The following AHRR variants were observed in gnomAD, a reference collection of about 807,000 sequenced individuals.
AHRR encodes the protein ahR repressor.
AHRR carries 28 observed loss-of-function variants against 44.0 expected under a neutral mutation model. The ratio of observed to expected loss-of-function variants is 0.64; its 90% CI spans 0.47 to 0.87. AHRR has a LOEUF of 0.87. Among genes scored for constraint, AHRR ranks in the 40% least tolerant of loss-of-function variants. The pLI, the probability that AHRR is intolerant of heterozygous loss-of-function variation, is 0.00. For synonymous variants in AHRR, 434 were observed against 407.0 expected (o/e 1.07, Z -0.80); for missense variants, 990 against 953.9 (o/e 1.04, Z -0.50).
At chr5:389,955 G>A (rs1353338740) in intron 4 of AHRR, among the ~76,000 whole-genome samples, 2 of 130,206 alleles carry the variant, frequency 1.5e-5, no homozygotes, top group South Asian at 3.1e-4. Flanking sequence ...GGGAGGGGGA[G>A]GGGAGACAGG....
Position 328,255 on chromosome 5 carries a change from A to ATTTTTTTTTTTT in AHRR, c.-11+6455_-11+6466dup, listed in dbSNP as rs70955232. 1.5e-4 allele frequency among the ~76,000 whole-genome samples: 8 copies of ATTTTTTTTTTTT among 54,254 alleles called. 1 individual carries two copies. Among genetic ancestry groups the ATTTTTTTTTTTT allele is most frequent in the African/African-American group, 4.2e-4 (7 of 16,798 alleles). The allele number at this position is 54,254 out of a possible 152,430, so 35.6% of individuals were successfully genotyped here. A position where few individuals can be genotyped will look rare whatever the true frequency, so the allele number is the denominator to read the frequency against. ...TTCTCTGCATCCTCACCAACATCTGATTTTTTTTTTTTTTTTTTTTTTTTT... is the reference window on the plus strand; with the variant it reads ...TTCTCTGCATCCTCACCAACATCTGATTTTTTTTTTTTTTTTTTTTTTTTTTTTTTTTTTTTT... On this transcript the variant is annotated intron_variant, in intron 1 of 10. Transcript: ENST00000684583.
intron 1 of AHRR, among the ~76,000 whole-genome samples, chr5:324,890 G>A (rs114727087): frequency 2.6e-3 from 400 of 152,322 alleles, no homozygotes; most frequent in African/African-American, 9.1e-3. Context: ...ATTTCCTCGG[G>A]GCCCCTCCCC....
intron 3 of AHRR, among the ~76,000 whole-genome samples, chr5:367,274 G>A (rs80242871): frequency 0.033 from 4,955 of 152,300 alleles, 247 homozygotes; most frequent in African/African-American, 0.11. Context: ...GTGGGCACGT[G>A]GTGGGCCCTC....
Position 344,765 on chromosome 5 carries a change from GT to G in AHRR, c.62+802del. On this transcript the variant is annotated intron_variant, in intron 2 of 10. Coordinates refer to ENST00000684583, the MANE Select transcript of AHRR (RefSeq NM_001377236.1). ...CGGGGGGAGCTGTGTGTGTGTGGGT[GT>G]GTGTGTGACTGTGCGGGTGTGCGAG... Among the ~76,000 whole-genome samples the G allele has an allele frequency of 1.4e-4, 2 of 14,644 alleles. 1 individual carries two copies. Among genetic ancestry groups the G allele is most frequent in the Non-Finnish European group, 4.3e-4 (2 of 4,626 alleles). 9.6% of individuals were successfully genotyped at this position (14,644 alleles called of 152,430 possible). A position where few individuals can be genotyped will look rare whatever the true frequency, so the allele number is the denominator to read the frequency against.
At chr5:407,800 A>G (rs2672763) in intron 4 of AHRR, among the ~76,000 whole-genome samples, 30,496 of 152,130 alleles carry the variant, frequency 0.2, 4,931 homozygotes, top group African/African-American at 0.45. Context: ...GCCTCTCAAA[A>G]TGCTGGGATT....
chr5:385,928 A>G (rs927028935), intron 4 of AHRR, among the ~76,000 whole-genome samples: 8 of 152,094 alleles, frequency 5.3e-5, no homozygotes, highest in African/African-American at 1.9e-4. Flanking sequence ...TTCTCAGACT[A>G]GATAATTTCT....
chr5:382,982 T>A (rs1221429961), intron 4 of AHRR, among the ~76,000 whole-genome samples: 1 of 152,224 alleles, frequency 6.6e-6, no homozygotes, highest in African/African-American at 2.4e-5. Flanking sequence ...TTCATTTAGT[T>A]CAAAATGGTT....
At chr5:347,685 C>G (rs1742723352) in intron 2 of AHRR, among the ~76,000 whole-genome samples, 1 of 152,328 alleles carries the variant, frequency 6.6e-6, no homozygotes, top group East Asian at 1.9e-4. Flanking sequence ...TGTGTCCAAG[C>G]ATGGGCATCT....
intron 8 of AHRR, 146 bp from the exon 9 acceptor site, chr5:432,313 TAAAC>T: frequency 1.4e-6 from 1 of 701,322 alleles, no homozygotes; most frequent in Middle Eastern, 2.5e-4. Context: ...TATAAAGAAT[TAAAC>T]AAGAGTGAAC....
chr5:363,850 C>A (rs1394204275), intron 3 of AHRR, among the ~76,000 whole-genome samples: 3 of 152,230 alleles, frequency 2.0e-5, no homozygotes, highest in Admixed American at 1.3e-4. Flanking sequence ...TTGAGCTTCT[C>A]TCATCTTCAA....
In AHRR at chr5:366,587, T is replaced by C. The variant is rs556938448; in HGVS notation, c.245-10023T>C. On this transcript the variant is annotated intron_variant, in intron 3 of 10. Coordinates refer to ENST00000684583, the MANE Select transcript of AHRR (RefSeq NM_001377236.1). ...CAAGAAATATCAATTGGTGCTAAAA[T>C]TGGTGGTGAAAATGGGATGAGACAG... is the stretch of plus-strand genomic sequence containing the variant. Among the ~76,000 whole-genome samples, 25 of 152,268 alleles carry C rather than the reference T, an allele frequency of 1.6e-4. No individual in the cohort carries two copies. In the East Asian group the frequency reaches 4.6e-3, roughly 28 times the overall value.
chr5:363,806 G>T (rs1743263691), intron 3 of AHRR, among the ~76,000 whole-genome samples: 1 of 152,112 alleles, frequency 6.6e-6, no homozygotes, highest in South Asian at 2.1e-4. Flanking sequence ...TGAGAGCACT[G>T]CCCCCCTCTC....
rs1269302419 is a variant in AHRR at position 326,938 on chromosome 5, A to G, written c.-11+5119A>G. ...GCCAGGCGTGGTGGCACGCGCCTGTAGTCCCAGCTACTCAGGAGGCTGAGG... is the reference window on the plus strand; with the variant it reads ...GCCAGGCGTGGTGGCACGCGCCTGTGGTCCCAGCTACTCAGGAGGCTGAGG... On this transcript the variant is annotated intron_variant, in intron 1 of 10. Transcript: ENST00000684583. This position sits in a 1 kb window ranked among gnomAD's most constrained non-coding sequence, Gnocchi z 4.1. Among the ~76,000 whole-genome samples the G allele has an allele frequency of 1.3e-5, 2 of 152,176 alleles. No individual in the cohort carries two copies. The highest frequency in any genetic ancestry group is 1.3e-4 in the Admixed American group (2 of 15,276).
chr5:373,597 AG>A (rs542532007), intron 3 of AHRR, among the ~76,000 whole-genome samples: 1 of 148,008 alleles, frequency 6.8e-6, no homozygotes, highest in East Asian at 2.0e-4. Context: ...GGCTGGGCGG[AG>A]GGGGGGTCTC....
rs577978336 is a variant in AHRR at position 338,465 on chromosome 5, C to G, written c.-10-5428C>G. Among the ~76,000 whole-genome samples, 38 of 152,210 alleles carry G rather than the reference C, an allele frequency of 2.5e-4. No individual in the cohort carries two copies. Among genetic ancestry groups the G allele is most frequent in the African/African-American group, 8.4e-4 (35 of 41,542 alleles). On this transcript the variant is annotated intron_variant, in intron 1 of 10. Transcript: ENST00000684583. This position sits in a 1 kb window ranked among gnomAD's most constrained non-coding sequence, Gnocchi z 4.1. ...TCTTTCAGCTTTAAAGATGTTGCTCCACTACCTTCTTGTTTCTGATGAGGA... is the reference window on the plus strand; with the variant it reads ...TCTTTCAGCTTTAAAGATGTTGCTCGACTACCTTCTTGTTTCTGATGAGGA...
rs562281750 is a variant in AHRR, at chr5:373,741, G to A, written c.245-2869G>A. Among the ~76,000 whole-genome samples the A allele has an allele frequency of 3.3e-5, 5 of 151,058 alleles. No individual in the cohort carries two copies. In the East Asian group the frequency reaches 7.8e-4, roughly 24 times the overall value. On this transcript the variant is annotated intron_variant, in intron 3 of 10. Coordinates refer to ENST00000684583, the MANE Select transcript of AHRR (RefSeq NM_001377236.1). ...ACCTGGGGAGGCCGTGGCCGGGTCC[G>A]CCCGCCCCGTGTGCACCCGGAGCGC...
intron 3 of AHRR, chr5:367,773 G>A: frequency 1.4e-6 from 1 of 692,226 alleles, no homozygotes; most frequent in Non-Finnish European, 2.6e-6. Context: ...TGTGTTGCTG[G>A]GTTCTGTCCC....
intron 3 of AHRR, among the ~76,000 whole-genome samples, chr5:369,905 C>T (rs1229037050): frequency 6.6e-6 from 1 of 152,272 alleles, no homozygotes; most frequent in Non-Finnish European, 1.5e-5. Flanking sequence ...TTTGAATGTT[C>T]GAAAGCCTTG....
At position 404,009 on chromosome 5, in the gene AHRR, G is replaced by A. The variant is rs1266845749; in HGVS notation, c.352-9335G>A. On this transcript the variant is annotated intron_variant, in intron 4 of 10. Transcript: ENST00000684583. This position sits in a 1 kb window ranked among gnomAD's most constrained non-coding sequence, Gnocchi z 4.1. Reference sequence around the variant, plus strand: ...TTCTTTACAGTAATTCGAACTTGGTGTTTTTTCTTAATCCACGGCTGAATC... The same window carrying A: ...TTCTTTACAGTAATTCGAACTTGGTATTTTTTCTTAATCCACGGCTGAATC... The A allele has an allele frequency of 3.2e-6, 3 of 936,904 alleles. No individual in the cohort carries two copies. Among genetic ancestry groups the A allele is most frequent in the Non-Finnish European group, 5.2e-6 (3 of 575,940 alleles). The allele number at this position is 936,904 out of a possible 1,614,324, so 58.0% of individuals were successfully genotyped here. A position where few individuals can be genotyped will look rare whatever the true frequency, so the allele number is the denominator to read the frequency against.
Sources: allele counts gnomAD v4.1 joint callset (sites outside exome capture counted in the v4.1 genomes callset), GRCh38; gene constraint gnomAD v4.1.1; non-coding constraint Gnocchi (gnomAD v3.1); transcripts MANE v1.5; gene names NCBI Gene and HGNC (gene_info 2026-07-23, HGNC 2026-07-21).